C4BPB: variants seen among roughly 807,000 people sequenced by gnomAD.
The protein encoded by C4BPB is complement component 4 binding protein beta, also known as C4b-binding protein beta chain.
C4BPB carries 19 observed loss-of-function variants against 26.6 expected under a neutral mutation model. That is an observed-to-expected ratio of 0.71 (90% CI 0.50 to 1.05). The LOEUF is 1.05. Ranked by LOEUF, C4BPB falls within the 50% of genes least tolerant of loss-of-function variation. The probability of loss-of-function intolerance (pLI) is 0.00; values close to 1 mark genes in which losing one functional copy is unlikely to be tolerated. For synonymous variants in C4BPB, 118 were observed against 103.5 expected, an observed-to-expected ratio of 1.14 and a Z score of -0.85; for missense variants, 282 against 302.9, an observed-to-expected ratio of 0.93 and a Z score of 0.51.
In C4BPB at chr1:207,090,415, G is replaced by C; in HGVS notation, c.166G>C (p.Val56Leu). Residue 56 changes from valine to leucine, a missense_variant, in exon 3 of 7, where the codon GTA becomes CTA. Val to Leu is a conservative substitution (Grantham distance 32). Coordinates refer to ENST00000367078, the MANE Select transcript of C4BPB (RefSeq NM_001017365.3). ...TYVCIKGYHL[V>L]GKKTLFCNAS... ...CGTTTGTATCAAGGGCTACCACCTG[G>C]TAGGAAAGAAGACCCTTTTTTGCAA... The C allele has an allele frequency of 6.2e-7, 1 of 1,614,066 alleles. No homozygotes were observed. Among genetic ancestry groups the C allele is most frequent in the Non-Finnish European group, 8.5e-7 (1 of 1,179,948 alleles).
At position 207,099,847 on chromosome 1, in the gene C4BPB, T is replaced by G; in HGVS notation, c.677T>G (p.Leu226Ter). 1 of 1,613,812 alleles carries G rather than the reference T, an allele frequency of 6.2e-7. No homozygotes were observed. Among genetic ancestry groups the G allele is most frequent in the East Asian group, 2.2e-5 (1 of 44,874 alleles). Residue 226 changes from leucine to a stop codon, truncating the protein, a stop_gained, in exon 7 of 7, where the codon TTA (leucine) becomes TGA (stop). Coordinates refer to ENST00000367078, the MANE Select transcript of C4BPB (RefSeq NM_001017365.3). LOFTEE classifies it low-confidence loss of function (END_TRUNC). ...GCCATGGAGAACTTTATGCAACAAT[T>G]AAAGGAAAGTGGCATGACAATGGAG... Reference protein sequence around the residue: ...CEAMENFMQQLKESGMTMEEL... With the variant: ...CEAMENFMQQ
At position 207,090,362 on chromosome 1, in the gene C4BPB, A is replaced by G; in HGVS notation, c.113A>G (p.Glu38Gly). Residue 38 changes from glutamate to glycine, a missense_variant, in exon 3 of 7, where the codon GAG becomes GGG. Coordinates refer to ENST00000367078, the MANE Select transcript of C4BPB (RefSeq NM_001017365.3). ...GACAATAGCATATTTGTCGCAAAGG[A>G]GGTGGAAGGACAGATTCTGGGGACT... ...PVDNSIFVAKEVEGQILGTYV... is the reference protein window; with the variant it reads ...PVDNSIFVAKGVEGQILGTYV... The G allele has an allele frequency of 6.2e-7, 1 of 1,613,950 alleles. No homozygotes were observed. Among genetic ancestry groups the G allele is most frequent in the Non-Finnish European group, 8.5e-7 (1 of 1,179,932 alleles).
intron 4 of C4BPB, 71 bp downstream of exon 4, chr1:207,091,891 A>T: frequency 7.9e-7 from 1 of 1,271,892 alleles, no homozygotes; most frequent in Non-Finnish European, 1.1e-6. Context: ...CATTTGCCAC[A>T]TCCCTGGGAT....
chr1:207,099,235 C>T (rs970130046), intron 6 of C4BPB, among the ~76,000 whole-genome samples: 7 of 152,218 alleles, frequency 4.6e-5, no homozygotes, highest in South Asian at 2.1e-4. Context: ...CTAGATCCCT[C>T]GCATGAGCAG....
chr1:207,089,619 C>T (rs367552925), intron 2 of C4BPB, 30 bp downstream of exon 2: 2 of 1,605,894 alleles, frequency 1.2e-6, no homozygotes, highest in African/African-American at 2.7e-5. Context: ...ACTCAGCTTA[C>T]AGGCATTTGG....
rs1001298864 is a variant in C4BPB, at chr1:207,089,744, A to G, written c.58+155A>G. ...AAATTGGCCTAATGCTCTGCACTCA[A>G]TAGGAGCTTAGTGTACATTTAATGA... On this transcript the variant is annotated intron_variant, in intron 2 of 6. Coordinates refer to ENST00000367078, the MANE Select transcript of C4BPB (RefSeq NM_001017365.3). Among the ~76,000 whole-genome samples, 4 of 152,270 alleles carry G rather than the reference A, an allele frequency of 2.6e-5. No homozygotes were observed. In the South Asian group the frequency reaches 6.2e-4, roughly 24 times the overall value.
intron 4 of C4BPB, among the ~76,000 whole-genome samples, chr1:207,094,104 G>C (rs1022212439): frequency 6.6e-6 from 1 of 152,140 alleles, no homozygotes; most frequent in Admixed American, 6.6e-5. Flanking sequence ...TACTATTCAT[G>C]ACCTGAGGAA....
At chr1:207,091,324 T>A (rs1174928945) in intron 3 of C4BPB, among the ~76,000 whole-genome samples, 1 of 152,206 alleles carries the variant, frequency 6.6e-6, no homozygotes, top group Non-Finnish European at 1.5e-5. Context: ...TCAAACATAG[T>A]CTCACTATTT....
At chr1:207,094,974 A>G in intron 4 of C4BPB, 1 of 219,792 alleles carries the variant, frequency 4.5e-6, no homozygotes, top group Non-Finnish European at 9.2e-6. Flanking sequence ...TGTAACCATG[A>G]TTTACAAAAA....
intron 4 of C4BPB, 35 bp downstream of exon 4, chr1:207,091,855 A>G: frequency 1.2e-5 from 18 of 1,556,570 alleles, no homozygotes; most frequent in Non-Finnish European, 1.6e-5. Context: ...GATCCCCAAA[A>G]TACTGATTAG....
intron 5 of C4BPB, 120 bp downstream of exon 5, chr1:207,096,735 C>A: frequency 1.6e-6 from 1 of 630,828 alleles, no homozygotes. Flanking sequence ...ATTCTAAGCT[C>A]ATTCTGATTT....
intron 6 of C4BPB, among the ~76,000 whole-genome samples, chr1:207,099,479 G>A (rs1684383268): frequency 6.6e-6 from 1 of 152,190 alleles, no homozygotes; most frequent in Non-Finnish European, 1.5e-5. Flanking sequence ...AAGCACATAA[G>A]CACAATGCGT....
chr1:207,094,727 T>G (rs56009508), intron 4 of C4BPB, among the ~76,000 whole-genome samples: 3,297 of 152,288 alleles, frequency 0.022, 57 homozygotes, highest in Admixed American at 0.05. Context: ...TGGACTGGAA[T>G]CCCCCAAACA....
chr1:207,098,551 G>T (rs1684347328), intron 6 of C4BPB, among the ~76,000 whole-genome samples: 1 of 152,192 alleles, frequency 6.6e-6, no homozygotes, highest in African/African-American at 2.4e-5. Flanking sequence ...CAACCTTTTT[G>T]GCACCAGGGA....
At chr1:207,097,716 T>C (rs1684313061) in intron 5 of C4BPB, 1 of 170,510 alleles carries the variant, frequency 5.9e-6, no homozygotes, top group Admixed American at 5.8e-5. Flanking sequence ...TGCAGGCAAC[T>C]CTCATATTTT....
intron 4 of C4BPB, among the ~76,000 whole-genome samples, chr1:207,093,226 A>G (rs977115774): frequency 3.3e-5 from 5 of 152,246 alleles, no homozygotes; most frequent in African/African-American, 1.2e-4. Flanking sequence ...CAGACTTACT[A>G]TTACAGTGCA....
chr1:207,089,074 T>C, intron 1 of C4BPB, 128 bp downstream of exon 1: 1 of 161,776 alleles, frequency 6.2e-6, no homozygotes, highest in Non-Finnish European at 1.3e-5. Flanking sequence ...GAACCAGGGA[T>C]TGACAGCCCG....
chr1:207,098,435 A>G (rs1007847036), intron 6 of C4BPB, among the ~76,000 whole-genome samples, 171 bp downstream of exon 6: 8 of 152,222 alleles, frequency 5.3e-5, no homozygotes, highest in Non-Finnish European at 1.2e-4. Flanking sequence ...TCACATTTTT[A>G]TAAATGGAAG....
Position 207,089,504 on chromosome 1 carries a change from A to G in C4BPB, c.-28A>G. On this transcript the variant is annotated 5_prime_UTR_variant, in exon 2 of 7. Transcript: ENST00000367078. ...CAGGTGTCTGAGCTGGGTGAATTCC[A>G]GCCTGGGGAGAGGACTTTGATCACC... 1 of 1,612,358 alleles carries G rather than the reference A, an allele frequency of 6.2e-7. No individual in the cohort carries two copies.
Sources: gnomAD v4.1 joint callset for allele counts (sites outside exome capture counted in the v4.1 genomes callset) on GRCh38, gnomAD v4.1.1 for gene constraint, MANE v1.5 for transcripts, NCBI Gene and HGNC (gene_info 2026-07-23, HGNC 2026-07-21) for gene names.